The following JMJD7 variants were observed in gnomAD, a reference collection of about 807,000 sequenced individuals.
The protein encoded by JMJD7 is jumonji domain containing 7.
JMJD7 carries 41 observed loss-of-function variants against 41.1 expected under a neutral mutation model. That is an observed-to-expected ratio of 1.00 (90% CI 0.78 to 1.30). JMJD7 has a LOEUF of 1.30. Ranked by LOEUF, JMJD7 falls within the 50% of genes most tolerant of loss-of-function variation. The probability of loss-of-function intolerance (pLI) is 0.00; values close to 1 mark genes in which losing one functional copy is unlikely to be tolerated. For missense variants in JMJD7, 480 were observed against 420.7 expected (o/e 1.14, Z -1.23); for synonymous variants, 202 against 177.2 (o/e 1.14, Z -1.11).
At chr15:41,837,021 A>G (rs573601496) in intron 7 of JMJD7, 47 bp from the exon 8 acceptor site, 2 of 1,608,406 alleles carry the variant, frequency 1.2e-6, no homozygotes, top group South Asian at 1.1e-5. Context: ...GGGAGGCTCT[A>G]GGTCAGAAGA....
intron 1 of JMJD7, among the ~76,000 whole-genome samples, chr15:41,833,912 A>G (rs1304244708): frequency 1.3e-5 from 2 of 152,138 alleles, no homozygotes; most frequent in African/African-American, 4.8e-5. Context: ...GGAGGAGAGG[A>G]GACGGTGGGT....
intron 1 of JMJD7, among the ~76,000 whole-genome samples, chr15:41,833,243 T>G (rs1480154013): frequency 6.6e-6 from 1 of 151,786 alleles, no homozygotes; most frequent in Non-Finnish European, 1.5e-5. Context: ...TATTCAACAT[T>G]AGGCAAATAC....
intron 1 of JMJD7, among the ~76,000 whole-genome samples, chr15:41,832,121 T>C (rs1354022158): frequency 6.6e-6 from 1 of 152,220 alleles, no homozygotes; most frequent in African/African-American, 2.4e-5. Context: ...AACCAGCACC[T>C]GTGTTGGCAC....
chr15:41,834,385 A>G (rs28451764), intron 1 of JMJD7, among the ~76,000 whole-genome samples: 44,495 of 152,100 alleles, frequency 0.29, 7,317 homozygotes, highest in Admixed American at 0.37. Context: ...GGAGCTCCCA[A>G]TGCCACTTCC....
chr15:41,834,836 T>C lies in JMJD7; in HGVS notation c.161T>C (p.Ile54Thr). ...GTCTGCCCCAACAGGCCGTGCATTA[T>C]CCGCAACGCTCTGCAGCACTGGCCG... ...DWVCPNRPCI[I>T]RNALQHWPAL... The change falls in exon 2 of 8, where the codon ATC (isoleucine) becomes ACC (threonine). Residue 54 changes from isoleucine to threonine, a missense_variant. Coordinates refer to ENST00000397299, the MANE Select transcript of JMJD7 (RefSeq NM_001114632.2). The C allele has an allele frequency of 6.2e-7, 1 of 1,614,210 alleles. No individual in the cohort carries two copies.
chr15:41,833,589 T>C (rs1358346089), intron 1 of JMJD7, among the ~76,000 whole-genome samples: 1 of 151,254 alleles, frequency 6.6e-6, no homozygotes, highest in Non-Finnish European at 1.5e-5. Context: ...TCCAGTTAAT[T>C]TTTAATTTTT....
Position 41,835,056 on chromosome 15 carries a change from C to T in JMJD7, c.305C>T (p.Pro102Leu). ...DAVRGDRFMM[P>L]AERRLPLSFV... ...GTGAGAGGGGATCGCTTCATGATGC[C>T]AGCTGAGCGCCGCCTGCCCCTGAGC... The change falls in exon 3 of 8, where the codon CCA becomes CTA. Residue 102 changes from proline to leucine, a missense_variant. Physicochemically the swap from Pro to Leu is moderately conservative, Grantham distance 98. Coordinates refer to ENST00000397299, the MANE Select transcript of JMJD7 (RefSeq NM_001114632.2). The T allele has an allele frequency of 6.2e-7, 1 of 1,613,890 alleles. No individual in the cohort carries two copies. Among genetic ancestry groups the T allele is most frequent in the Non-Finnish European group, 8.5e-7 (1 of 1,180,050 alleles).
At chr15:41,833,649 G>A (rs1053340559) in intron 1 of JMJD7, among the ~76,000 whole-genome samples, 5 of 151,428 alleles carry the variant, frequency 3.3e-5, no homozygotes, top group South Asian at 2.1e-4. Flanking sequence ...TTGACCTCCC[G>A]GCCTCAGCAA....
At position 41,836,812 on chromosome 15, in the gene JMJD7, C is replaced by A; in HGVS notation, c.734C>A (p.Pro245Gln). 6.2e-7 allele frequency: 1 copy of A among 1,611,850 alleles called. No homozygotes were observed. The highest frequency in any genetic ancestry group is 1.7e-4 in the Middle Eastern group (1 of 6,050). Residue 245 changes from proline to glutamine, a missense_variant, in exon 7 of 8, where the codon CCA becomes CAA. By Grantham distance (76) the Pro-to-Gln change is moderately conservative. Coordinates refer to ENST00000397299, the MANE Select transcript of JMJD7 (RefSeq NM_001114632.2). ...VPWIPLDPLA[P>Q]DLARYPSYSQ... Reference sequence around the variant, plus strand: ...TGGATCCCACTGGACCCCTTGGCGCCAGACCTAGCACGGTACCCTAGTTAC... The same window carrying A: ...TGGATCCCACTGGACCCCTTGGCGCAAGACCTAGCACGGTACCCTAGTTAC...
intron 1 of JMJD7, among the ~76,000 whole-genome samples, chr15:41,829,900 C>T (rs1044028644): frequency 6.6e-6 from 1 of 152,178 alleles, no homozygotes; most frequent in Non-Finnish European, 1.5e-5. Context: ...GAGACACCAT[C>T]GTGTGGTGGC....
rs368707293 is a variant in JMJD7, at chr15:41,828,103, C to T, written c.-22C>T. The T allele has an allele frequency of 5.6e-6, 8 of 1,428,004 alleles. No homozygotes were observed. The highest frequency in any genetic ancestry group is 4.7e-5 in the South Asian group (3 of 63,590). The allele number at this position is 1,428,004 out of a possible 1,614,324, so 88.5% of individuals were successfully genotyped here. On this transcript the variant is annotated 5_prime_UTR_variant, in exon 1 of 8. Transcript: ENST00000397299. The stretch of plus-strand genomic sequence containing the variant: ...GCGGGGCGTCGGGGAAAGGCGGGGT[C>T]TCGGCCGGCGCTGACGCAGCCATGG...
chr15:41,834,668 G>T (rs747538462), intron 1 of JMJD7, 72 bp from the exon 2 acceptor site: 1 of 1,567,104 alleles, frequency 6.4e-7, no homozygotes. Flanking sequence ...TTCCAGGGAG[G>T]GCATCTCTTG....
chr15:41,833,412 A>ACATT (rs2065260081), intron 1 of JMJD7, among the ~76,000 whole-genome samples: 1 of 41,924 alleles, frequency 2.4e-5, no homozygotes, highest in Non-Finnish European at 5.3e-5. Context: ...ATATATATAT[A>ACATT]TATTTTTTTT....
chr15:41,833,631 G>A (rs2065266603), intron 1 of JMJD7, among the ~76,000 whole-genome samples: 1 of 151,422 alleles, frequency 6.6e-6, no homozygotes, highest in African/African-American at 2.4e-5. Flanking sequence ...ACGTTGCCAA[G>A]GCTGGTCTTG....
intron 1 of JMJD7, among the ~76,000 whole-genome samples, chr15:41,833,320 C>T (rs1039169084): frequency 6.7e-5 from 10 of 148,650 alleles, no homozygotes; most frequent in African/African-American, 2.5e-4. Flanking sequence ...GAACAGACAA[C>T]TGTCTCTGCC....
At position 41,837,097 on chromosome 15, in the gene JMJD7, C is replaced by T. The variant is rs1418511358; in HGVS notation, c.892C>T (p.Leu298Phe). Residue 298 changes from leucine (L) to phenylalanine (F), a missense_variant, in exon 8 of 8, where the codon CTC (leucine) becomes TTC (phenylalanine). By Grantham distance (22) the Leu-to-Phe change is conservative (BLOSUM62 0). Transcript: ENST00000397299. ...TTTCTGGTATGACATGGAATACGACCTCAAGTATAGTTACTTCCAGCTGCT... is the reference window on the plus strand; with the variant it reads ...TTTCTGGTATGACATGGAATACGACTTCAAGTATAGTTACTTCCAGCTGCT... ...VNFWYDMEYD[L>F]KYSYFQLLDS... The T allele has an allele frequency of 1.5e-5, 25 of 1,613,572 alleles. No homozygotes were observed. Among genetic ancestry groups the T allele is most frequent in the Non-Finnish European group, 2.0e-5 (24 of 1,179,682 alleles).
chr15:41,834,944 C>T, intron 2 of JMJD7, 26 bp from the exon 3 acceptor site: 5 of 1,613,716 alleles, frequency 3.1e-6, no homozygotes, highest in Non-Finnish European at 4.2e-6. Context: ...GGCATCTGGG[C>T]ATGGGCTGAG....
intron 1 of JMJD7, among the ~76,000 whole-genome samples, chr15:41,829,565 A>G (rs1451197027): frequency 1.3e-5 from 2 of 152,232 alleles, no homozygotes; most frequent in Admixed American, 6.5e-5. Flanking sequence ...TTGGAACGCC[A>G]TGGAACACAT....
At position 41,836,772 on chromosome 15, in the gene JMJD7, T is replaced by G. The variant is rs756442513; in HGVS notation, c.703-9T>G. On this transcript the variant is annotated splice_polypyrimidine_tract_variant and intron_variant, in intron 6 of 7. Coordinates refer to ENST00000397299, the MANE Select transcript of JMJD7 (RefSeq NM_001114632.2). The stretch of plus-strand genomic sequence containing the variant: ...GGGGGCTGCTCCCTGGCATCTGATG[T>G]GTTCCCAGGTGCCCTGGATCCCACT... The G allele has an allele frequency of 6.2e-7, 1 of 1,600,104 alleles. No individual in the cohort carries two copies. The highest frequency in any genetic ancestry group is 1.1e-5 in the South Asian group (1 of 89,444).
Sources: allele counts gnomAD v4.1 joint callset (sites outside exome capture counted in the v4.1 genomes callset), GRCh38; gene constraint gnomAD v4.1.1; transcripts MANE v1.5; gene names NCBI Gene and HGNC (gene_info 2026-07-23, HGNC 2026-07-21).